Variants in CNTNAP2 observed in about 807,000 individuals in gnomAD.
CNTNAP2 encodes contactin-associated protein-like 2.
A neutral mutation model predicts 155.2 loss-of-function variants in CNTNAP2; 98 were observed. The ratio of observed to expected loss-of-function variants is 0.63; its 90% CI spans 0.54 to 0.75. The LOEUF (loss-of-function observed/expected upper bound fraction) is 0.75, where lower values mean the gene tolerates loss of function less well. CNTNAP2 is among the 30% of genes least tolerant of loss of function. The probability of loss-of-function intolerance (pLI) is 0.00; values close to 1 mark genes in which losing one functional copy is unlikely to be tolerated. For missense variants in CNTNAP2, 1,727 were observed against 1,688.1 expected, an observed-to-expected ratio of 1.02 and a Z score of -0.40; for synonymous variants, 651 against 631.2, an observed-to-expected ratio of 1.03 and a Z score of -0.47.
intron 17 of CNTNAP2, among the ~76,000 whole-genome samples, chr7:148,170,885 T>G (rs1299106192): frequency 2.0e-5 from 3 of 152,194 alleles, no homozygotes; most frequent in Admixed American, 6.5e-5. Flanking sequence ...CTTACCTGAA[T>G]TCCAGTAACC....
intron 9 of CNTNAP2, among the ~76,000 whole-genome samples, chr7:147,358,678 TA>T (rs796794108): frequency 3.3e-5 from 5 of 150,866 alleles, no homozygotes; most frequent in African/African-American, 4.9e-5. Flanking sequence ...TTCTCCTAAT[TA>T]AAAAAAAAGC....
At position 147,167,563 on chromosome 7, in the gene CNTNAP2, A is replaced by G. The variant is rs1490492542; in HGVS notation, c.1348+35054A>G. ...CTTCAGACAACTGCTCTCCCAGATG[A>G]CGATGATGACCTGTGAGAATGAAGC... On this transcript the variant is annotated intron_variant, in intron 8 of 23. Transcript: ENST00000361727. 7 of 799,978 alleles carry G rather than the reference A, an allele frequency of 8.8e-6. No homozygotes were observed. In the African/African-American group the frequency reaches 1.0e-4, roughly 12 times the overall value. The allele number at this position is 799,978 out of a possible 1,614,324, so 49.6% of individuals were successfully genotyped here. A position where few individuals can be genotyped will look rare whatever the true frequency, so the allele number is the denominator to read the frequency against.
chr7:147,138,552 C>G (rs758769416), intron 8 of CNTNAP2, among the ~76,000 whole-genome samples: 1 of 151,822 alleles, frequency 6.6e-6, no homozygotes, highest in African/African-American at 2.4e-5. Flanking sequence ...CACTATCATG[C>G]GAACTGAGTG....
intron 1 of CNTNAP2, among the ~76,000 whole-genome samples, chr7:146,215,259 C>T (rs1526074): frequency 0.79 from 120,410 of 152,218 alleles, 47,933 homozygotes; most frequent in East Asian, 0.94. Context: ...CAAAATAATA[C>T]TTGCGTTAAA....
At chr7:146,585,412 A>G (rs1287312784) in intron 1 of CNTNAP2, among the ~76,000 whole-genome samples, 4 of 151,984 alleles carry the variant, frequency 2.6e-5, no homozygotes, top group Non-Finnish European at 5.9e-5. Flanking sequence ...GAGCTACCGC[A>G]CCCGGCCTAA....
At chr7:146,517,399 T>C (rs1797556556) in intron 1 of CNTNAP2, among the ~76,000 whole-genome samples, 1 of 152,068 alleles carries the variant, frequency 6.6e-6, no homozygotes, top group East Asian at 1.9e-4. Context: ...ACATTTCAGC[T>C]GAAACTTGAA....
chr7:146,832,370 T>C (rs1320074726), intron 2 of CNTNAP2, among the ~76,000 whole-genome samples: 4 of 151,672 alleles, frequency 2.6e-5, no homozygotes, highest in South Asian at 2.1e-4. Context: ...CTAGAACTTC[T>C]CTTAGACTTA....
At chr7:146,724,848 C>T (rs555957434) in intron 1 of CNTNAP2, among the ~76,000 whole-genome samples, 11 of 152,176 alleles carry the variant, frequency 7.2e-5, no homozygotes, top group African/African-American at 2.2e-4. Flanking sequence ...GGATTACAGG[C>T]GTGAGCCACC....
intron 15 of CNTNAP2, among the ~76,000 whole-genome samples, chr7:148,009,053 C>G (rs1202971682): frequency 6.6e-6 from 1 of 152,152 alleles, no homozygotes; most frequent in Non-Finnish European, 1.5e-5. Flanking sequence ...TGTATAGATA[C>G]TTCTGAATGC....
intron 8 of CNTNAP2, among the ~76,000 whole-genome samples, chr7:147,145,907 A>G (rs898428777): frequency 6.6e-6 from 1 of 152,160 alleles, no homozygotes; most frequent in Admixed American, 6.5e-5. Context: ...TCTAAGGCAT[A>G]TTTTGTTATT....
At chr7:147,175,901 C>T (rs1442235800) in intron 8 of CNTNAP2, among the ~76,000 whole-genome samples, 1 of 152,208 alleles carries the variant, frequency 6.6e-6, no homozygotes, top group Non-Finnish European at 1.5e-5. Flanking sequence ...AACTTCCCCC[C>T]TCTTTTCACC....
intron 13 of CNTNAP2, among the ~76,000 whole-genome samples, chr7:147,796,169 T>C (rs1797890512): frequency 6.6e-6 from 1 of 152,226 alleles, no homozygotes; most frequent in African/African-American, 2.4e-5. Context: ...AAGCTTTATG[T>C]GGAGTCCTAT....
intron 13 of CNTNAP2, among the ~76,000 whole-genome samples, chr7:147,884,543 T>C (rs1012337352): frequency 2.0e-5 from 3 of 151,748 alleles, no homozygotes; most frequent in Admixed American, 6.6e-5. Context: ...CTTTGAAGAA[T>C]TGCATTTAAT....
chr7:147,441,850 T>TCTCTCTCTCC (rs1563205211), intron 10 of CNTNAP2, among the ~76,000 whole-genome samples: 1 of 72,508 alleles, frequency 1.4e-5, no homozygotes, highest in Non-Finnish European at 3.1e-5. Context: ...TCTCTCTCTC[T>TCTCTCTCTCC]CCCTCCCTCC....
At chr7:148,337,954 A>G (rs982005787) in intron 21 of CNTNAP2, among the ~76,000 whole-genome samples, 7 of 152,232 alleles carry the variant, frequency 4.6e-5, no homozygotes, top group African/African-American at 1.4e-4. Flanking sequence ...AAATTTACAT[A>G]CGATAAAATC....
At chr7:147,388,488 T>G (rs1563185419) in intron 9 of CNTNAP2, among the ~76,000 whole-genome samples, 1 of 152,234 alleles carries the variant, frequency 6.6e-6, no homozygotes, top group Non-Finnish European at 1.5e-5. Context: ...TCATTCATAC[T>G]TATTTCTGTA....
At chr7:147,644,911 G>C (rs1795341938) in intron 13 of CNTNAP2, among the ~76,000 whole-genome samples, 1 of 151,974 alleles carries the variant, frequency 6.6e-6, no homozygotes, top group African/African-American at 2.4e-5. Context: ...TTTAATTGTA[G>C]AGATAAAAAG....
At chr7:147,742,825 GAA>G (rs961466706) in intron 13 of CNTNAP2, among the ~76,000 whole-genome samples, 15 of 152,048 alleles carry the variant, frequency 9.9e-5, no homozygotes, top group African/African-American at 3.6e-4. Flanking sequence ...TAGAGCAAGA[GAA>G]AAAAGAGACT....
intron 9 of CNTNAP2, among the ~76,000 whole-genome samples, chr7:147,360,279 A>G (rs1796125576): frequency 6.6e-6 from 1 of 152,110 alleles, no homozygotes; most frequent in Admixed American, 6.6e-5. Flanking sequence ...TATCTAGTCT[A>G]TATCTTGGTA....
Sources: gnomAD v4.1 joint callset for allele counts (sites outside exome capture counted in the v4.1 genomes callset) on GRCh38, gnomAD v4.1.1 for gene constraint, MANE v1.5 for transcripts, NCBI Gene and HGNC (gene_info 2026-07-23, HGNC 2026-07-21) for gene names.